The following ZNF624 variants were observed in gnomAD, a reference collection of about 807,000 sequenced individuals.
ZNF624 encodes zinc finger protein 624.
In ZNF624, 43 loss-of-function variants were observed where a neutral mutation model predicts 74.7. The observed-to-expected ratio is 0.58, with a 90% CI of 0.45 to 0.74. The LOEUF (loss-of-function observed/expected upper bound fraction) is 0.74. Among genes scored for constraint, ZNF624 ranks in the 30% least tolerant of loss-of-function variants. The pLI is 0.00. For missense variants in ZNF624, 820 were observed against 1,030.0 expected (o/e 0.80, Z 2.79); for synonymous variants, 331 against 341.3 (o/e 0.97, Z 0.33).
At chr17:16,653,633 T>C (rs895230116) in intron 1 of ZNF624, 131 bp downstream of exon 1, 1 of 152,710 alleles carries the variant, frequency 6.5e-6, no homozygotes, top group Non-Finnish European at 1.5e-5. Flanking sequence ...CAATCGCCTC[T>C]CAGGAGTGGG....
rs1908981903 is a variant in ZNF624 at position 16,623,515 on chromosome 17, T to C, written c.1371A>G (p.Thr457=). ...NECGKSFKNT[T]IFNVHQRIHT... is the part of the protein sequence containing the mutation. ...GAATCCTCTGATGCACATTAAAAAT[T>C]GTGGTATTCTTAAAAGACTTCCCAC... Residue 457 remains threonine, a synonymous_variant, in exon 6 of 6, where the codon ACA becomes ACG. Transcript: ENST00000311331. The surrounding 1 kb of genome is among the most constrained non-coding windows in gnomAD (Gnocchi z 5.3). 1.2e-6 allele frequency: 2 copies of C among 1,609,794 alleles called. No individual in the cohort carries two copies. Among genetic ancestry groups the C allele is most frequent in the Non-Finnish European group, 1.7e-6 (2 of 1,178,740 alleles).
rs571946904 is a variant in ZNF624 at position 16,623,925 on chromosome 17, G to A, written c.961C>T (p.Gln321Ter). Residue 321 changes from glutamine (Q) to a stop codon, truncating the protein, a stop_gained, in exon 6 of 6, where the codon CAG (glutamine) becomes TAG (stop). Transcript: ENST00000311331. LOFTEE classifies it high-confidence loss of function. The surrounding 1 kb of genome is among the most constrained non-coding windows in gnomAD (Gnocchi z 5.3). ...KTFSQPSYLS[Q>*]HKKIHTGEKP... ...TCTCCAGTGTGGATTTTTTTGTGCT[G>A]ACTGAGATATGAAGGCTGGCTGAAT... 2 of 1,613,758 alleles carry A rather than the reference G, an allele frequency of 1.2e-6. No individual in the cohort carries two copies. The highest frequency in any genetic ancestry group is 2.2e-5 in the East Asian group (1 of 44,854).
At chr17:16,639,045 T>C (rs984997095) in intron 3 of ZNF624, among the ~76,000 whole-genome samples, 1 of 152,150 alleles carries the variant, frequency 6.6e-6, no homozygotes, top group Non-Finnish European at 1.5e-5. Context: ...AGATGTTAGA[T>C]GTCTTGCCCA....
At chr17:16,632,729 G>T (rs373008082) in intron 5 of ZNF624, among the ~76,000 whole-genome samples, 1 of 152,020 alleles carries the variant, frequency 6.6e-6, no homozygotes, top group Non-Finnish European at 1.5e-5. Context: ...TTAACTTACT[G>T]CCTGCTTTAT....
chr17:16,640,629 T>C (rs998285930), intron 3 of ZNF624, among the ~76,000 whole-genome samples: 5 of 152,154 alleles, frequency 3.3e-5, no homozygotes, highest in Admixed American at 2.0e-4. Context: ...CTATGAACCA[T>C]GGTATGCGAA....
intron 5 of ZNF624, among the ~76,000 whole-genome samples, 179 bp downstream of exon 5, chr17:16,633,681 CAG>C (rs902962192): frequency 1.3e-5 from 2 of 151,814 alleles, no homozygotes; most frequent in African/African-American, 4.8e-5. Context: ...AAGTGGAGGA[CAG>C]AGAGAGAGGG....
At chr17:16,615,762 T>C (rs569055896), downstream of ZNF624, among the ~76,000 whole-genome samples, 49 of 152,000 alleles carry the variant, frequency 3.2e-4, no homozygotes, top group African/African-American at 1.1e-3. Context: ...CAAATCCTAT[T>C]TCTGGAGGTC....
At chr17:16,631,767 C>G (rs1260854282) in intron 5 of ZNF624, 2 of 152,084 alleles carry the variant, frequency 1.3e-5, no homozygotes, top group Non-Finnish European at 2.9e-5. Context: ...TCTAGCAAGA[C>G]TGAGTAAGAC....
downstream of ZNF624, chr17:16,617,285 A>G: frequency 1.2e-6 from 2 of 1,613,696 alleles, no homozygotes; most frequent in Non-Finnish European, 1.7e-6. Flanking sequence ...CATCTTCTAG[A>G]TCGAGACCTG....
downstream of ZNF624, chr17:16,617,234 C>G (rs879154144): frequency 1.2e-6 from 2 of 1,612,652 alleles, no homozygotes; most frequent in Admixed American, 3.3e-5. Flanking sequence ...GAGACACTTC[C>G]AGATCTACTG....
At chr17:16,644,391 T>A (rs1323741156) in intron 3 of ZNF624, among the ~76,000 whole-genome samples, 1 of 152,216 alleles carries the variant, frequency 6.6e-6, no homozygotes, top group Non-Finnish European at 1.5e-5. Flanking sequence ...AGTTTTATTT[T>A]TATTGCAAAA....
At chr17:16,635,447 A>C (rs1909305465) in intron 3 of ZNF624, among the ~76,000 whole-genome samples, 1 of 152,062 alleles carries the variant, frequency 6.6e-6, no homozygotes, top group Non-Finnish European at 1.5e-5. Context: ...TTGACTTTTG[A>C]ACCATGTAAA....
chr17:16,651,364 A>T (rs1182400415), intron 1 of ZNF624, among the ~76,000 whole-genome samples: 5 of 149,734 alleles, frequency 3.3e-5, no homozygotes, highest in Non-Finnish European at 5.9e-5. Flanking sequence ...TGGGAGGTGG[A>T]GGTTGCAGTG....
At chr17:16,618,816 C>T (rs185408650), downstream of ZNF624, among the ~76,000 whole-genome samples, 260 of 152,160 alleles carry the variant, frequency 1.7e-3, no homozygotes, top group African/African-American at 5.6e-3. Flanking sequence ...CTCTAGCTTA[C>T]GTAAGAGTAC....
At chr17:16,653,266 C>T (rs1909770804) in intron 1 of ZNF624, among the ~76,000 whole-genome samples, 2 of 152,354 alleles carry the variant, frequency 1.3e-5, no homozygotes, top group East Asian at 3.9e-4. Flanking sequence ...TAGCGCAGGT[C>T]CCCCGATGTG....
chr17:16,629,549 T>A lies in ZNF624; in HGVS notation c.376+4313A>T, dbSNP rs544234766. ...AGATAAGAATGATTTTTATATTTAT[T>A]TTTATTTATTTATTTACTTACTTAC... On this transcript the variant is annotated intron_variant, in intron 5 of 5. Transcript: ENST00000311331. Among the ~76,000 whole-genome samples the A allele has an allele frequency of 7.9e-5, 12 of 152,010 alleles. No individual in the cohort carries two copies. The South Asian group carries it at 1.7e-3, about 21-fold the overall frequency.
intron 5 of ZNF624, among the ~76,000 whole-genome samples, chr17:16,629,111 T>A (rs1909143728): frequency 6.8e-6 from 1 of 146,434 alleles, no homozygotes; most frequent in Non-Finnish European, 1.5e-5. Flanking sequence ...GGCAGGAGAA[T>A]TACCTGAAAC....
chr17:16,647,438 T>C (rs1909620224), intron 2 of ZNF624, 44 bp from the exon 3 acceptor site: 1 of 1,559,038 alleles, frequency 6.4e-7, no homozygotes. Context: ...AGGCTGCCTA[T>C]GACTTACAGC....
At chr17:16,620,525 C>A (rs1158363531), downstream of ZNF624, among the ~76,000 whole-genome samples, 3 of 152,186 alleles carry the variant, frequency 2.0e-5, no homozygotes, top group African/African-American at 7.2e-5. Flanking sequence ...GCACATTTTT[C>A]ATCTATCTGG....
Sources: allele counts gnomAD v4.1 joint callset (sites outside exome capture counted in the v4.1 genomes callset), GRCh38; gene constraint gnomAD v4.1.1; non-coding constraint Gnocchi (gnomAD v3.1); transcripts MANE v1.5; gene names NCBI Gene and HGNC (gene_info 2026-07-23, HGNC 2026-07-21).